Variants in AFF2 observed in about 807,000 individuals in gnomAD.
AFF2 encodes ALF transcription elongation factor 2.
A neutral mutation model predicts 76.9 loss-of-function variants in AFF2; 14 were observed. That is an observed-to-expected ratio of 0.18 (90% CI 0.12 to 0.28). AFF2 has a LOEUF of 0.28. AFF2 is among the 10% of genes least tolerant of loss of function. AFF2 has a pLI of 1.00. For missense variants in AFF2, 868 were observed against 1,001.1 expected, an observed-to-expected ratio of 0.87 and a Z score of 1.79; for synonymous variants, 398 against 366.7, an observed-to-expected ratio of 1.09 and a Z score of -0.98.
At chrX:148,723,898 T>A (rs2055123654) in intron 3 of AFF2, among the ~76,000 whole-genome samples, 1 of 108,263 alleles carries the variant, frequency 9.2e-6, no homozygotes, top group Non-Finnish European at 1.9e-5. Context: ...GAAAACCTTT[T>A]TTTTTCTTTT....
chrX:148,848,399 G>C (rs1212438343), intron 7 of AFF2, among the ~76,000 whole-genome samples: 1 of 111,786 alleles, frequency 8.9e-6, no homozygotes, highest in African/African-American at 3.3e-5. Flanking sequence ...AAATATTTTT[G>C]CTAAAAAACA....
chrX:148,566,270 T>C (rs2053169656), intron 1 of AFF2, among the ~76,000 whole-genome samples: 1 of 111,594 alleles, frequency 9.0e-6, no homozygotes, highest in Non-Finnish European at 1.9e-5. Flanking sequence ...GCTCATTCTC[T>C]TTCCCTATGT....
In AFF2 at chrX:148,829,935, T is replaced by C. The variant is rs145980017; in HGVS notation, c.1087-7712T>C. Among the ~76,000 whole-genome samples, 636 of 112,197 alleles carry C rather than the reference T, an allele frequency of 5.7e-3. 4 individuals are homozygous for C. The highest frequency in any genetic ancestry group is 9.6e-3 in the Non-Finnish European group (511 of 53,194). On this transcript the variant is annotated intron_variant, in intron 4 of 20. Transcript: ENST00000370460. ...TCCACAAAGCAGGTCTCAAATCTCT[T>C]TCATGTGAAAGACTTTCATGGATTT... is the stretch of plus-strand genomic sequence containing the variant.
intron 1 of AFF2, among the ~76,000 whole-genome samples, chrX:148,576,753 T>C (rs1262888068): frequency 1.9e-5 from 2 of 107,374 alleles, no homozygotes; most frequent in Non-Finnish European, 3.8e-5. Flanking sequence ...CCAATTCCCC[T>C]AGTTTAGCGA....
chrX:148,999,399 C>T lies in AFF2; in HGVS notation c.*8067C>T, dbSNP rs1308108138. 1.8e-5 allele frequency: 2 copies of T among 112,536 alleles called. No individual in the cohort carries two copies. Among genetic ancestry groups the T allele is most frequent in the Admixed American group, 1.9e-4 (2 of 10,696 alleles). 9.3% of individuals were successfully genotyped at this position (112,536 alleles called of 1,213,427 possible). ...CTTCCTGGAAAAAAAAGGACATTTT[C>T]ATGCATATTTTAAACAGAAATTTTG... is the stretch of plus-strand genomic sequence containing the variant. On this transcript the variant is annotated 3_prime_UTR_variant, in exon 21 of 21. Transcript: ENST00000370460.
intron 3 of AFF2, among the ~76,000 whole-genome samples, chrX:148,760,101 TA>T (rs1301963253): frequency 1.8e-4 from 20 of 112,590 alleles, no homozygotes; most frequent in Non-Finnish European, 3.2e-4. Context: ...GTTTTAAAAT[TA>T]AAAATAAAAC....
intron 1 of AFF2, among the ~76,000 whole-genome samples, chrX:148,551,939 T>C (rs1360910783): frequency 8.9e-6 from 1 of 112,553 alleles, no homozygotes; most frequent in Non-Finnish European, 1.9e-5. Context: ...GGGTGCTCCA[T>C]GACTACTGAC....
chrX:148,679,199 A>G (rs1271105167), intron 3 of AFF2, among the ~76,000 whole-genome samples: 1 of 104,409 alleles, frequency 9.6e-6, no homozygotes, highest in African/African-American at 3.5e-5. Context: ...TATAAAAGCT[A>G]TAAAGTAAAA....
intron 3 of AFF2, among the ~76,000 whole-genome samples, chrX:148,733,485 A>T (rs192931299): frequency 2.4e-4 from 27 of 111,402 alleles, no homozygotes; most frequent in Admixed American, 1.2e-3. Context: ...AAACTGTGTT[A>T]GTGCTCTGGA....
chrX:148,908,332 A>G (rs2124220497), intron 9 of AFF2, among the ~76,000 whole-genome samples: 1 of 112,331 alleles, frequency 8.9e-6, no homozygotes. Context: ...AAGTCTTCAC[A>G]ATTTATATTC....
At chrX:148,704,334 A>ATG (rs1453266968) in intron 3 of AFF2, among the ~76,000 whole-genome samples, 1 of 81,160 alleles carries the variant, frequency 1.2e-5, no homozygotes, top group Non-Finnish European at 2.2e-5. Context: ...ATTTATATAT[A>ATG]TGTGTGTATA....
intron 1 of AFF2, among the ~76,000 whole-genome samples, chrX:148,594,444 T>C (rs2053551793): frequency 1.8e-5 from 2 of 112,212 alleles, no homozygotes; most frequent in African/African-American, 6.5e-5. Flanking sequence ...TTGACTTTTT[T>C]CAATAGTGGA....
intron 8 of AFF2, among the ~76,000 whole-genome samples, chrX:148,897,044 A>G (rs1285225125): frequency 9.7e-6 from 1 of 103,175 alleles, no homozygotes; most frequent in Non-Finnish European, 2.0e-5. Context: ...GTCTGACTCT[A>G]TCCAGTTTCT....
chrX:148,866,151 T>A (rs955580574), intron 7 of AFF2, among the ~76,000 whole-genome samples: 1 of 111,889 alleles, frequency 8.9e-6, no homozygotes, highest in African/African-American at 3.2e-5. Flanking sequence ...CTTATGCTCT[T>A]AGCCTTCAAG....
chrX:148,600,466 A>T (rs1185728434), intron 1 of AFF2, among the ~76,000 whole-genome samples: 2 of 111,848 alleles, frequency 1.8e-5, no homozygotes, highest in Non-Finnish European at 3.8e-5. Flanking sequence ...TAGGACTCTG[A>T]TATTTTCTGG....
rs1427286612 is a variant in AFF2, at chrX:148,994,688, C to A, written c.*3356C>A. On this transcript the variant is annotated 3_prime_UTR_variant, in exon 21 of 21. Coordinates refer to ENST00000370460, the MANE Select transcript of AFF2 (RefSeq NM_002025.4). ...CATTTGGACATTACATCACTAAATT[C>A]ATTAGATTTTGTCTGCATTGGAAAG... 1 of 112,319 alleles carries A rather than the reference C, an allele frequency of 8.9e-6. No homozygotes were observed. Among genetic ancestry groups the A allele is most frequent in the Non-Finnish European group, 1.9e-5 (1 of 53,304 alleles). The allele number at this position is 112,319 out of a possible 1,213,427, so 9.3% of individuals were successfully genotyped here.
At chrX:148,689,260 C>T (rs1283879726) in intron 3 of AFF2, among the ~76,000 whole-genome samples, 1 of 110,986 alleles carries the variant, frequency 9.0e-6, no homozygotes, top group Non-Finnish European at 1.9e-5. Context: ...CCTTGTTTTG[C>T]CTTTATCACC....
intron 9 of AFF2, among the ~76,000 whole-genome samples, chrX:148,944,899 A>G (rs1200713384): frequency 1.8e-5 from 2 of 111,097 alleles, no homozygotes; most frequent in Admixed American, 1.9e-4. Context: ...CTATTTTTCA[A>G]CTTGATATGG....
chrX:148,574,177 T>C lies in AFF2; in HGVS notation c.47+73033T>C, dbSNP rs192673521. Among the ~76,000 whole-genome samples, 712 of 111,524 alleles carry C rather than the reference T, an allele frequency of 6.4e-3. 6 individuals carry two copies. Among genetic ancestry groups the C allele is most frequent in the African/African-American group, 0.022 (678 of 30,734 alleles). On this transcript the variant is annotated intron_variant, in intron 1 of 20. Coordinates refer to ENST00000370460, the MANE Select transcript of AFF2 (RefSeq NM_002025.4). ...TAAATTTTTTTTATTGTCTGAGTCA[T>C]GGAAATCAGTAATCCTTGTCTATAG...
Sources: allele counts gnomAD v4.1 joint callset (sites outside exome capture counted in the v4.1 genomes callset), GRCh38; gene constraint gnomAD v4.1.1; transcripts MANE v1.5; gene names NCBI Gene and HGNC (gene_info 2026-07-23, HGNC 2026-07-21).